The following PPP1R12A variants were observed in gnomAD, a reference collection of about 807,000 sequenced individuals.
PPP1R12A encodes the protein myosin binding subunit.
In PPP1R12A, 19 loss-of-function variants were observed where a neutral mutation model predicts 139.6. That is an observed-to-expected ratio of 0.14 (90% CI 0.09 to 0.20). PPP1R12A has a LOEUF of 0.20. Among genes scored for constraint, PPP1R12A ranks in the 10% least tolerant of loss-of-function variants. PPP1R12A has a pLI of 1.00. For missense variants in PPP1R12A, 925 were observed against 1,211.5 expected, an observed-to-expected ratio of 0.76 and a Z score of 3.51; for synonymous variants, 427 against 420.6, an observed-to-expected ratio of 1.02 and a Z score of -0.19.
intron 2 of PPP1R12A, among the ~76,000 whole-genome samples, chr12:79,869,101 A>G (rs1882291531): frequency 6.6e-6 from 1 of 152,194 alleles, no homozygotes; most frequent in Non-Finnish European, 1.5e-5. Context: ...CTCTATTTTT[A>G]GTTTACCCTA....
At position 79,925,937 on chromosome 12, in the gene PPP1R12A, T is replaced by C. The variant is rs112491634; in HGVS notation, c.237+8758A>G. ...TTTTCTTTTTCTTTCTTTTCTTTTCTCTTTATTGGTAGAGACACCGTCTCC... is the reference window on the plus strand; with the variant it reads ...TTTTCTTTTTCTTTCTTTTCTTTTCCCTTTATTGGTAGAGACACCGTCTCC... On this transcript the variant is annotated intron_variant, in intron 1 of 24. Transcript: ENST00000450142. Among the ~76,000 whole-genome samples the C allele has an allele frequency of 6.4e-3, 978 of 152,312 alleles. 12 individuals carry two copies. Among genetic ancestry groups the C allele is most frequent in the African/African-American group, 0.021 (886 of 41,564 alleles).
intron 2 of PPP1R12A, among the ~76,000 whole-genome samples, chr12:79,861,982 A>G (rs1417221510): frequency 6.6e-6 from 1 of 152,106 alleles, no homozygotes; most frequent in East Asian, 1.9e-4. Flanking sequence ...ACAGCATTCA[A>G]TCTCTGTAAA....
intron 1 of PPP1R12A, among the ~76,000 whole-genome samples, chr12:79,922,305 G>C (rs1887500607): frequency 6.6e-6 from 1 of 152,128 alleles, no homozygotes; most frequent in Non-Finnish European, 1.5e-5. Flanking sequence ...AAATCTGCCT[G>C]TGGGTGACAT....
At position 79,832,431 on chromosome 12, in the gene PPP1R12A, T is replaced by A; in HGVS notation, c.548A>T (p.Gln183Leu). ...ATTTATATGACCACTATTTAGCCAC[T>A]GCCTGGCATCTCTAAGCATGATCCG... ...EERIMLRDARQWLNSGHINDV... is the reference protein window; with the variant it reads ...EERIMLRDARLWLNSGHINDV... The change falls in exon 4 of 25, where the codon CAG becomes CTG. Residue 183 changes from glutamine to leucine, a missense_variant. Gln to Leu is a moderately radical substitution (Grantham distance 113). Coordinates refer to ENST00000450142, the MANE Select transcript of PPP1R12A (RefSeq NM_002480.3). 1.2e-6 allele frequency: 2 copies of A among 1,613,628 alleles called. No individual in the cohort carries two copies. Among genetic ancestry groups the A allele is most frequent in the Non-Finnish European group, 1.7e-6 (2 of 1,179,690 alleles).
intron 22 of PPP1R12A, among the ~76,000 whole-genome samples, chr12:79,784,773 A>T (rs1461734485): frequency 6.6e-6 from 1 of 151,988 alleles, no homozygotes; most frequent in Non-Finnish European, 1.5e-5. Flanking sequence ...AGTAGCTGGG[A>T]CTACAGGCGC....
intron 3 of PPP1R12A, among the ~76,000 whole-genome samples, chr12:79,842,445 A>G (rs566002076): frequency 3.2e-4 from 49 of 152,316 alleles, no homozygotes; most frequent in African/African-American, 1.2e-3. Context: ...AGCACATTTC[A>G]GCAGGAGTTG....
chr12:79,929,463 G>A (rs745730694), intron 1 of PPP1R12A, among the ~76,000 whole-genome samples: 2 of 152,068 alleles, frequency 1.3e-5, no homozygotes, highest in Admixed American at 6.6e-5. Flanking sequence ...TAGAAAGGAG[G>A]TCGATATTAA....
intron 3 of PPP1R12A, among the ~76,000 whole-genome samples, chr12:79,837,962 T>A (rs1296003299): frequency 1.3e-5 from 2 of 152,172 alleles, no homozygotes; most frequent in Non-Finnish European, 2.9e-5. Context: ...GGGGCACAGT[T>A]GTAAAGATAC....
chr12:79,798,435 G>A (rs1872724770), intron 15 of PPP1R12A, 59 bp downstream of exon 15: 1 of 1,107,662 alleles, frequency 9.0e-7, no homozygotes, highest in African/African-American at 1.6e-5. Context: ...GTCAGTGTGT[G>A]TATATATATT....
chr12:79,846,900 A>G (rs1053239571), intron 2 of PPP1R12A, among the ~76,000 whole-genome samples: 2 of 152,148 alleles, frequency 1.3e-5, no homozygotes, highest in African/African-American at 4.8e-5. Context: ...GTTCTAAATT[A>G]AACCATTTGA....
In PPP1R12A at chr12:79,808,467, A is replaced by T; in HGVS notation, c.1550+16T>A. The T allele has an allele frequency of 6.5e-7, 1 of 1,536,496 alleles. No homozygotes were observed. Among genetic ancestry groups the T allele is most frequent in the Non-Finnish European group, 9.0e-7 (1 of 1,114,002 alleles). ...ATTTTATAGTGAATGCATAAAGCAA[A>T]TCAAAATAAACTCACCTGTTTTCTT... On this transcript the variant is annotated intron_variant, in intron 11 of 24. Coordinates refer to ENST00000450142, the MANE Select transcript of PPP1R12A (RefSeq NM_002480.3).
chr12:79,824,932 A>ATTAGAGACTTATTAGAG (rs1876582844), intron 5 of PPP1R12A: 1 of 152,186 alleles, frequency 6.6e-6, no homozygotes, highest in South Asian at 2.1e-4. Flanking sequence ...TTATAAGTCT[A>ATTAGAGACTTATTAGAG]ACTTCATAGT....
At chr12:79,825,641 T>C (rs1032590552) in intron 5 of PPP1R12A, 2 of 151,850 alleles carry the variant, frequency 1.3e-5, no homozygotes, top group Non-Finnish European at 2.9e-5. Context: ...CCAAATCATG[T>C]TTTCTAGTAC....
At position 79,793,948 on chromosome 12, in the gene PPP1R12A, TTA is replaced by T. The variant is rs776110994; in HGVS notation, c.2584-22_2584-21del. On this transcript the variant is annotated intron_variant, in intron 18 of 24. Transcript: ENST00000450142. ...ATCACTCTAAAAACAGATTGCCAAT[TTA>T]TATTTTAGGAAATTTTAGTAATAAT... The T allele has an allele frequency of 6.5e-7, 1 of 1,535,610 alleles. No individual in the cohort carries two copies. Among genetic ancestry groups the T allele is most frequent in the African/African-American group, 1.4e-5 (1 of 71,024 alleles).
rs113155336 is a variant in PPP1R12A at position 79,859,114 on chromosome 12, T to C, written c.368+13694A>G. On this transcript the variant is annotated intron_variant, in intron 2 of 24. Coordinates refer to ENST00000450142, the MANE Select transcript of PPP1R12A (RefSeq NM_002480.3). ...ACAGTGGGAGGCCAAGGCGGGCAGA[T>C]CACAAGGTCAGGAGATTGAGACCAT... Among the ~76,000 whole-genome samples, 1,010 of 151,976 alleles carry C rather than the reference T, an allele frequency of 6.6e-3. 13 individuals carry two copies. Among genetic ancestry groups the C allele is most frequent in the African/African-American group, 0.023 (961 of 41,460 alleles).
At chr12:79,802,100 G>A (rs1873255954) in intron 14 of PPP1R12A, among the ~76,000 whole-genome samples, 1 of 152,140 alleles carries the variant, frequency 6.6e-6, no homozygotes, top group East Asian at 1.9e-4. Flanking sequence ...ATATAAGAGG[G>A]GCTTGTTATA....
intron 10 of PPP1R12A, among the ~76,000 whole-genome samples, chr12:79,809,162 C>G (rs1874216559): frequency 6.6e-6 from 1 of 151,910 alleles, no homozygotes; most frequent in South Asian, 2.1e-4. Flanking sequence ...ATTAGAATTA[C>G]TTGATGAGAA....
chr12:79,788,751 C>T lies in PPP1R12A; in HGVS notation c.2699G>A (p.Arg900Gln), dbSNP rs369205033. The T allele has an allele frequency of 4.8e-5, 78 of 1,611,330 alleles. No homozygotes were observed. Among genetic ancestry groups the T allele is most frequent in the Non-Finnish European group, 5.5e-5 (65 of 1,178,612 alleles). ...AGAGCGACCCAGCAAGGAATCATAT[C>T]GATCACCAGCTGATGTAGAACTGGT... is the stretch of plus-strand genomic sequence containing the variant. ...YETSSTSAGD[R>Q]YDSLLGRSGS... Residue 900 changes from arginine to glutamine, a missense_variant, in exon 21 of 25, where the codon CGA (arginine) becomes CAA (glutamine). This residue lies in a region of PPP1R12A where 315 missense variants were observed against 363.4 expected (regional missense o/e 0.87). Coordinates refer to ENST00000450142, the MANE Select transcript of PPP1R12A (RefSeq NM_002480.3).
intron 24 of PPP1R12A, among the ~76,000 whole-genome samples, chr12:79,778,001 G>A (rs1041682884): frequency 6.6e-6 from 1 of 152,118 alleles, no homozygotes; most frequent in African/African-American, 2.4e-5. Flanking sequence ...AAGATTTTAT[G>A]AAGGACAGTG....
Sources: gnomAD v4.1 joint callset for allele counts (sites outside exome capture counted in the v4.1 genomes callset) on GRCh38, gnomAD v4.1.1 for gene constraint, gnomAD v4.1.1 regional missense constraint, MANE v1.5 for transcripts, NCBI Gene and HGNC (gene_info 2026-07-23, HGNC 2026-07-21) for gene names.